The following BARX2 variants were observed in gnomAD, a reference collection of about 807,000 sequenced individuals.
BARX2 encodes the protein BARX homeobox 2, also known as homeobox protein BarH-like 2.
Under a neutral mutation model 25.5 loss-of-function variants are expected in BARX2, and 11 were observed. That is an observed-to-expected ratio of 0.43 (90% CI 0.27 to 0.71). The LOEUF is 0.71. Ranked by LOEUF, BARX2 falls within the 30% of genes least tolerant of loss-of-function variation. The pLI is 0.19. For synonymous variants in BARX2, 137 were observed against 149.5 expected (o/e 0.92, Z 0.61); for missense variants, 360 against 359.9 (o/e 1.00, Z 0.00).
upstream of BARX2, among the ~76,000 whole-genome samples, chr11:129,375,264 C>T (rs3809009): frequency 0.079 from 12,051 of 152,140 alleles, 697 homozygotes; most frequent in South Asian, 0.21. The surrounding 1 kb of genome is among the most constrained non-coding windows in gnomAD (Gnocchi z 4.0). Context: ...GAGTGGAGGG[C>T]TTGGGAAGCC....
Position 129,452,045 on chromosome 11 carries a change from T to C in BARX2, c.*643T>C, listed in dbSNP as rs1330818781. The C allele has an allele frequency of 6.6e-6, 1 of 151,982 alleles. No individual in the cohort carries two copies. The highest frequency in any genetic ancestry group is 1.9e-4 in the East Asian group (1 of 5,166). 9.4% of individuals were successfully genotyped at this position (151,982 alleles called of 1,614,324 possible). ...ATAAGCTTTGGTTTTTTTTTTGTTTTGTTTTGTTTTTTGCTTCATTTACCC... is the reference window on the plus strand; with the variant it reads ...ATAAGCTTTGGTTTTTTTTTTGTTTCGTTTTGTTTTTTGCTTCATTTACCC... On this transcript the variant is annotated 3_prime_UTR_variant, in exon 4 of 4. Transcript: ENST00000281437.
At chr11:129,423,604 C>A (rs1228392820) in intron 1 of BARX2, among the ~76,000 whole-genome samples, 1 of 152,148 alleles carries the variant, frequency 6.6e-6, no homozygotes, top group Non-Finnish European at 1.5e-5. Flanking sequence ...TAGTCCACTT[C>A]CAGGGCCATA....
At chr11:129,432,348 C>T (rs1306956707) in intron 1 of BARX2, among the ~76,000 whole-genome samples, 2 of 152,318 alleles carry the variant, frequency 1.3e-5, no homozygotes, top group Non-Finnish European at 1.5e-5. Context: ...AGGTGTGAGC[C>T]ACCACACCCA....
At chr11:129,448,627 T>C (rs761197166) in intron 3 of BARX2, among the ~76,000 whole-genome samples, 1 of 152,164 alleles carries the variant, frequency 6.6e-6, no homozygotes, top group Non-Finnish European at 1.5e-5. Context: ...CATCAACAAG[T>C]GTTGGTGAGG....
chr11:129,439,715 C>T (rs1862234041), intron 2 of BARX2, among the ~76,000 whole-genome samples: 1 of 152,146 alleles, frequency 6.6e-6, no homozygotes, highest in African/African-American at 2.4e-5. Context: ...GGAGACAGGT[C>T]TGTGAACCGG....
intron 1 of BARX2, among the ~76,000 whole-genome samples, chr11:129,408,970 C>G (rs975678016): frequency 1.3e-5 from 2 of 152,102 alleles, no homozygotes; most frequent in African/African-American, 2.4e-5. Context: ...GGGCTGTGAC[C>G]TTTGTTGCCC....
chr11:129,412,254 A>C (rs1366631077), intron 1 of BARX2, among the ~76,000 whole-genome samples: 1 of 151,228 alleles, frequency 6.6e-6, no homozygotes, highest in Non-Finnish European at 1.5e-5. Flanking sequence ...CCTGGGCTAC[A>C]GGGCGAGAAT....
At chr11:129,384,445 C>T (rs1308285162) in intron 1 of BARX2, among the ~76,000 whole-genome samples, 1 of 152,142 alleles carries the variant, frequency 6.6e-6, no homozygotes, top group Non-Finnish European at 1.5e-5. Context: ...CTCCACTGCC[C>T]ACCTTTCTTT....
chr11:129,390,134 A>T lies in BARX2; in HGVS notation c.187+13912A>T, dbSNP rs956373905. Among the ~76,000 whole-genome samples the T allele has an allele frequency of 2.0e-5, 3 of 152,180 alleles. No individual in the cohort carries two copies. Among genetic ancestry groups the T allele is most frequent in the Non-Finnish European group, 4.4e-5 (3 of 68,030 alleles). On this transcript the variant is annotated intron_variant, in intron 1 of 3. Transcript: ENST00000281437. The surrounding 1 kb of genome is among the most constrained non-coding windows in gnomAD (Gnocchi z 4.3). ...CGGTGTGAGAAGAATTCTCTTGATG[A>T]GGAGTTCTCACCTTCTATGGTGCAA... is the stretch of plus-strand genomic sequence containing the variant.
At chr11:129,412,738 A>T (rs1276336130) in intron 1 of BARX2, among the ~76,000 whole-genome samples, 1 of 152,196 alleles carries the variant, frequency 6.6e-6, no homozygotes, top group Non-Finnish European at 1.5e-5. Context: ...GGTGTGTCTT[A>T]TGGAAAGCTG....
intron 1 of BARX2, among the ~76,000 whole-genome samples, chr11:129,432,954 T>A (rs1862145835): frequency 6.6e-6 from 1 of 152,092 alleles, no homozygotes; most frequent in Admixed American, 6.5e-5. Context: ...AGTTCAGCCC[T>A]TGTATTTCTT....
intron 3 of BARX2, among the ~76,000 whole-genome samples, chr11:129,445,001 A>AAAAAAT (rs1462199395): frequency 6.7e-6 from 1 of 149,932 alleles, no homozygotes; most frequent in African/African-American, 2.5e-5. Flanking sequence ...ACTCCGTCTC[A>AAAAAAT]AAAAATAAAA....
At chr11:129,445,270 G>C (rs1327252493) in intron 3 of BARX2, among the ~76,000 whole-genome samples, 2 of 152,150 alleles carry the variant, frequency 1.3e-5, no homozygotes, top group Admixed American at 1.3e-4. Flanking sequence ...CTTCTTCCTC[G>C]TCAGTCATCA....
chr11:129,415,598 T>C (rs116201103), intron 1 of BARX2, among the ~76,000 whole-genome samples: 2,531 of 152,274 alleles, frequency 0.017, 58 homozygotes, highest in African/African-American at 0.055. Context: ...CAAACCATTT[T>C]CCATATCACA....
intron 1 of BARX2, among the ~76,000 whole-genome samples, chr11:129,381,933 C>T (rs1029975104): frequency 1.1e-4 from 17 of 152,290 alleles, no homozygotes; most frequent in African/African-American, 3.4e-4. Context: ...GAAATTCTGT[C>T]GCTCCATGGG....
intron 1 of BARX2, among the ~76,000 whole-genome samples, chr11:129,420,147 G>A (rs1256989150): frequency 2.0e-5 from 3 of 151,948 alleles, no homozygotes; most frequent in South Asian, 2.1e-4. Context: ...GGGTTGTAAC[G>A]CAATCCAAGG....
intron 1 of BARX2, among the ~76,000 whole-genome samples, chr11:129,380,191 C>T (rs111850878): frequency 0.011 from 1,705 of 152,128 alleles, 32 homozygotes; most frequent in African/African-American, 0.039. Flanking sequence ...GGGACTAACC[C>T]GTGCAGTCAC....
Position 129,376,007 on chromosome 11 carries a change from G to T in BARX2, c.-29G>T, listed in dbSNP as rs759928557. ...GGGCCGGGCACTCGCAGCCGCGCTCGGGCCGGCGGACGCTCGCGCCGGCTC... is the reference window on the plus strand; with the variant it reads ...GGGCCGGGCACTCGCAGCCGCGCTCTGGCCGGCGGACGCTCGCGCCGGCTC... On this transcript the variant is annotated 5_prime_UTR_variant, in exon 1 of 4. Transcript: ENST00000281437. The surrounding 1 kb of genome is among the most constrained non-coding windows in gnomAD (Gnocchi z 4.2). 1 of 1,379,838 alleles carries T rather than the reference G, an allele frequency of 7.2e-7. No homozygotes were observed. The highest frequency in any genetic ancestry group is 1.7e-5 in the South Asian group (1 of 58,638). 85.5% of individuals were successfully genotyped at this position (1,379,838 alleles called of 1,614,324 possible).
intron 1 of BARX2, among the ~76,000 whole-genome samples, chr11:129,429,486 C>T (rs1043146551): frequency 2.0e-5 from 3 of 152,016 alleles, no homozygotes; most frequent in African/African-American, 7.2e-5. Context: ...GATTGCACCA[C>T]TGTACTCCAG....
Sources: allele counts gnomAD v4.1 joint callset (sites outside exome capture counted in the v4.1 genomes callset), GRCh38; gene constraint gnomAD v4.1.1; non-coding constraint Gnocchi (gnomAD v3.1); transcripts MANE v1.5; gene names NCBI Gene and HGNC (gene_info 2026-07-23, HGNC 2026-07-21).